Variants in RYR1 observed in about 807,000 individuals in gnomAD.
RYR1 encodes the protein ryanodine receptor 1.
In RYR1, 342 loss-of-function variants were observed where a neutral mutation model predicts 583.5. The ratio of observed to expected loss-of-function variants is 0.59; its 90% CI spans 0.54 to 0.64. The LOEUF (loss-of-function observed/expected upper bound fraction) is 0.64, where lower values mean the gene tolerates loss of function less well. Among genes scored for constraint, RYR1 ranks in the 30% least tolerant of loss-of-function variants. The pLI is 0.00. For synonymous variants in RYR1, 2,791 were observed against 2,822.5 expected, an observed-to-expected ratio of 0.99 and a Z score of 0.35; for missense variants, 6,032 against 6,917.2, an observed-to-expected ratio of 0.87 and a Z score of 4.54.
chr19:38,569,114 C>T (rs1013898338), intron 93 of RYR1, among the ~76,000 whole-genome samples: 2 of 152,060 alleles, frequency 1.3e-5, no homozygotes, highest in Non-Finnish European at 2.9e-5. Context: ...GGGTTCACGC[C>T]ATTCTCCTGC....
At chr19:38,497,836 T>C (rs1433671818) in intron 42 of RYR1, among the ~76,000 whole-genome samples, 3 of 151,882 alleles carry the variant, frequency 2.0e-5, no homozygotes, top group Non-Finnish European at 4.4e-5. Flanking sequence ...TAGGTGGGTG[T>C]AGTGGCACGT....
intron 29 of RYR1, among the ~76,000 whole-genome samples, chr19:38,476,886 A>G (rs1371514113): frequency 2.6e-5 from 4 of 152,064 alleles, no homozygotes; most frequent in African/African-American, 4.8e-5. Flanking sequence ...ACCTTAGAAC[A>G]GGCCTGGCAT....
rs753312645 is a variant in RYR1 at position 38,483,120 on chromosome 19, G to A, written c.4707+7G>A. 2 of 1,613,640 alleles carry A rather than the reference G, an allele frequency of 1.2e-6. No homozygotes were observed. Among genetic ancestry groups the A allele is most frequent in the Admixed American group, 1.7e-5 (1 of 59,982 alleles). On this transcript the variant is annotated splice_region_variant and intron_variant, in intron 32 of 105. Transcript: ENST00000359596. The surrounding 1 kb of genome is among the most constrained non-coding windows in gnomAD (Gnocchi z 6.3). ...TGAGCTGGGGAAGCAGAAGGTACAA[G>A]TGCAGTGATGGGGGCACTAATGGGG...
chr19:38,545,703 C>T (rs1007199440), intron 87 of RYR1, among the ~76,000 whole-genome samples: 2 of 152,074 alleles, frequency 1.3e-5, no homozygotes, highest in East Asian at 1.9e-4. Flanking sequence ...TCCAGCTACT[C>T]GAGAGGCTTA....
intron 11 of RYR1, among the ~76,000 whole-genome samples, chr19:38,449,519 GA>G (rs1966970087): frequency 6.6e-6 from 1 of 152,106 alleles, no homozygotes; most frequent in Non-Finnish European, 1.5e-5. Context: ...GAAAAAGATG[GA>G]TAATGACCAA....
chr19:38,562,430 T>G (rs1973189414), intron 90 of RYR1, among the ~76,000 whole-genome samples: 2 of 152,078 alleles, frequency 1.3e-5, no homozygotes, highest in South Asian at 4.1e-4. Flanking sequence ...CTCATTCTCT[T>G]GCACACACAC....
chr19:38,462,682 T>G (rs549619790), intron 20 of RYR1, among the ~76,000 whole-genome samples: 2 of 152,288 alleles, frequency 1.3e-5, no homozygotes, highest in East Asian at 3.9e-4. Flanking sequence ...ATCGCTATGA[T>G]CCTCATACGG....
At chr19:38,459,361 C>T (rs980793728) in intron 19 of RYR1, 23 bp downstream of exon 19, 12 of 1,611,162 alleles carry the variant, frequency 7.4e-6, no homozygotes, top group East Asian at 4.5e-5. Flanking sequence ...CCCCACCCCA[C>T]GGCCAGTCCT....
chr19:38,451,233 G>T (rs1406304088), intron 11 of RYR1, among the ~76,000 whole-genome samples: 1 of 152,242 alleles, frequency 6.6e-6, no homozygotes, highest in Non-Finnish European at 1.5e-5. Context: ...CCAAAGTGGG[G>T]ACACGTGAGC....
At position 38,499,006 on chromosome 19, in the gene RYR1, G is replaced by A. The variant is rs996558136; in HGVS notation, c.6892-102G>A. 7 of 1,499,292 alleles carry A rather than the reference G, an allele frequency of 4.7e-6. No homozygotes were observed. Among genetic ancestry groups the A allele is most frequent in the Admixed American group, 3.8e-5 (2 of 53,248 alleles). 92.9% of individuals were successfully genotyped at this position (1,499,292 alleles called of 1,614,324 possible). A position where few individuals can be genotyped will look rare whatever the true frequency, so the allele number is the denominator to read the frequency against. On this transcript the variant is annotated intron_variant, in intron 42 of 105. Coordinates refer to ENST00000359596, the MANE Select transcript of RYR1 (RefSeq NM_000540.3). This position sits in a 1 kb window ranked among gnomAD's most constrained non-coding sequence, Gnocchi z 7.3. ...TGGGCCGAGGGATCAGAGCTGAACC[G>A]GACTGAGGAGCCGCAGGGCAGGGCA...
chr19:38,444,060 C>G lies in RYR1; in HGVS notation c.425-89C>G. ...ATAGGAGAGTTGTGGGCCAAGGGCCCGGGAGGCCTGGTGGAGGGAGAGCCC... is the reference window on the plus strand; with the variant it reads ...ATAGGAGAGTTGTGGGCCAAGGGCCGGGGAGGCCTGGTGGAGGGAGAGCCC... On this transcript the variant is annotated intron_variant, in intron 5 of 105. Coordinates refer to ENST00000359596, the MANE Select transcript of RYR1 (RefSeq NM_000540.3). The surrounding 1 kb of genome is among the most constrained non-coding windows in gnomAD (Gnocchi z 5.1). 1.7e-6 allele frequency: 2 copies of G among 1,154,170 alleles called. No individual in the cohort carries two copies. Among genetic ancestry groups the G allele is most frequent in the East Asian group, 2.4e-5 (1 of 42,400 alleles). 71.5% of individuals were successfully genotyped at this position (1,154,170 alleles called of 1,614,324 possible).
Position 38,561,864 on chromosome 19 carries a change from G to GC in RYR1, c.12624+415dup, listed in dbSNP as rs990634339. Among the ~76,000 whole-genome samples the GC allele has an allele frequency of 2.6e-5, 4 of 152,038 alleles. No individual in the cohort carries two copies. Among genetic ancestry groups the GC allele is most frequent in the African/African-American group, 9.7e-5 (4 of 41,408 alleles). The stretch of plus-strand genomic sequence containing the variant: ...ACACCCCTTGCTCACCTTCCCAGTA[G>GC]CCCCCGGCGTGCCGTCTCTTGGTCC... On this transcript the variant is annotated intron_variant, in intron 90 of 105. Coordinates refer to ENST00000359596, the MANE Select transcript of RYR1 (RefSeq NM_000540.3). This position sits in a 1 kb window ranked among gnomAD's most constrained non-coding sequence, Gnocchi z 4.8.
chr19:38,441,574 G>A (rs544835397), intron 2 of RYR1, among the ~76,000 whole-genome samples: 4 of 151,482 alleles, frequency 2.6e-5, no homozygotes, highest in East Asian at 2.0e-4. Context: ...TCGAGGGGCC[G>A]AGGGCCTTGG....
At chr19:38,542,561 C>T (rs1972244925) in intron 84 of RYR1, among the ~76,000 whole-genome samples, 1 of 152,072 alleles carries the variant, frequency 6.6e-6, no homozygotes, top group Non-Finnish European at 1.5e-5. Flanking sequence ...TCTTGTTGCC[C>T]AAGCTGGAGT....
Position 38,506,459 on chromosome 19 carries a change from A to C in RYR1, c.8617-12A>C. 1 of 1,614,054 alleles carries C rather than the reference A, an allele frequency of 6.2e-7. No individual in the cohort carries two copies. Among genetic ancestry groups the C allele is most frequent in the Non-Finnish European group, 8.5e-7 (1 of 1,179,994 alleles). On this transcript the variant is annotated splice_polypyrimidine_tract_variant and intron_variant, in intron 55 of 105. Transcript: ENST00000359596. ...CTCTGAATCTAGCCCTTGACTCTGC[A>C]TCCACTCCCAGGCCATGGCAGAACA...
rs1289635687 is a variant in RYR1, at chr19:38,543,618, G to T, written c.11865G>T (p.Ser3955=). ...QGKRNFSKAM[S]VAKQVFNSLT... Reference sequence around the variant, plus strand: ...AGAGGAACTTCTCCAAAGCCATGTCGGTGGCTAAGCAGGTGTTCAACAGCC... The same window carrying T: ...AGAGGAACTTCTCCAAAGCCATGTCTGTGGCTAAGCAGGTGTTCAACAGCC... The change falls in exon 86 of 106, where the codon TCG becomes TCT. Residue 3955 remains serine, a synonymous_variant. Coordinates refer to ENST00000359596, the MANE Select transcript of RYR1 (RefSeq NM_000540.3). The surrounding 1 kb of genome is among the most constrained non-coding windows in gnomAD (Gnocchi z 4.4). 1 of 1,614,136 alleles carries T rather than the reference G, an allele frequency of 6.2e-7. No homozygotes were observed.
intron 50 of RYR1, 58 bp downstream of exon 50, chr19:38,504,418 G>C: frequency 1.3e-6 from 2 of 1,594,378 alleles, no homozygotes; most frequent in Non-Finnish European, 1.7e-6. Context: ...GCCCAAAATT[G>C]GGGGTCCAGA....
rs192213655 is a variant in RYR1 at position 38,442,909 on chromosome 19, G to A, written c.270+456G>A. 1.6e-4 allele frequency among the ~76,000 whole-genome samples: 24 copies of A among 152,240 alleles called. No individual in the cohort carries two copies. The East Asian group carries it at 3.9e-3, about 25-fold the overall frequency. ...ACCTCTCCCACCTCCCCCATCCCAA[G>A]CGTGAGTCCCTCTGGTCCAGGAGTG... is the stretch of plus-strand genomic sequence containing the variant. On this transcript the variant is annotated intron_variant, in intron 3 of 105. Transcript: ENST00000359596.
chr19:38,557,391 T>C lies in RYR1; in HGVS notation c.12283-3722T>C, dbSNP rs138154233. On this transcript the variant is annotated intron_variant, in intron 89 of 105. Coordinates refer to ENST00000359596, the MANE Select transcript of RYR1 (RefSeq NM_000540.3). ...GCAAATAACGAAATACACGAAGTAA[T>C]TGCAGGTTATAATCTGTGGTCTGAA... Among the ~76,000 whole-genome samples, 801 of 152,276 alleles carry C rather than the reference T, an allele frequency of 5.3e-3. 10 individuals carry two copies. The highest frequency in any genetic ancestry group is 0.015 in the African/African-American group (622 of 41,552).
Sources: allele counts gnomAD v4.1 joint callset (sites outside exome capture counted in the v4.1 genomes callset), GRCh38; gene constraint gnomAD v4.1.1; non-coding constraint Gnocchi (gnomAD v3.1); transcripts MANE v1.5; gene names NCBI Gene and HGNC (gene_info 2026-07-23, HGNC 2026-07-21).